Variants in HIBCH observed in about 807,000 individuals in gnomAD.
HIBCH encodes the protein 3-hydroxyisobutyryl-CoA hydrolase.
HIBCH carries 50 observed loss-of-function variants against 58.2 expected under a neutral mutation model. The ratio of observed to expected loss-of-function variants is 0.86; its 90% confidence interval spans 0.68 to 1.09. The LOEUF is 1.09. HIBCH is among the 50% of genes least tolerant of loss of function. The probability of loss-of-function intolerance (pLI) is 0.00; values close to 1 mark genes in which losing one functional copy is unlikely to be tolerated. For synonymous variants in HIBCH, 151 were observed against 146.9 expected, an observed-to-expected ratio of 1.03 and a Z score of -0.20; for missense variants, 450 against 449.7, an observed-to-expected ratio of 1.00 and a Z score of -0.01.
At chr2:190,213,293 C>A in intron 11 of HIBCH, 1 of 524,330 alleles carries the variant, frequency 1.9e-6, no homozygotes, top group Non-Finnish European at 3.4e-6. Context: ...GTAGCTGTGA[C>A]TAATAAAATA....
intron 1 of HIBCH, among the ~76,000 whole-genome samples, chr2:190,196,970 G>A (rs1414731408): frequency 6.6e-6 from 1 of 152,112 alleles, no homozygotes; most frequent in African/African-American, 2.4e-5. Flanking sequence ...AGGCTGGGAA[G>A]TCCAAGTTTA....
At position 190,296,973 on chromosome 2, in the gene HIBCH, C is replaced by T. The variant is rs777092478; in HGVS notation, c.79-20G>A. On this transcript the variant is annotated intron_variant, in intron 2 of 13. Coordinates refer to ENST00000359678, the MANE Select transcript of HIBCH (RefSeq NM_014362.4). ...CATTCTCTGTATAAACAAAGAATAACTTTATGACAAAATTTCTTAAGTTTT... is the reference window on the plus strand; with the variant it reads ...CATTCTCTGTATAAACAAAGAATAATTTTATGACAAAATTTCTTAAGTTTT... The T allele has an allele frequency of 6.2e-6, 10 of 1,612,930 alleles. No individual in the cohort carries two copies. The highest frequency in any genetic ancestry group is 2.2e-5 in the East Asian group (1 of 44,864).
Position 190,287,728 on chromosome 2 carries a change from A to G in HIBCH, c.386-90T>C, listed in dbSNP as rs1266903405. 24 of 896,320 alleles carry G rather than the reference A, an allele frequency of 2.7e-5. No homozygotes were observed. In the Admixed American group the frequency reaches 5.5e-4, roughly 20 times the overall value. The allele number at this position is 896,320 out of a possible 1,614,324, so 55.5% of individuals were successfully genotyped here. On this transcript the variant is annotated intron_variant, in intron 5 of 13. Coordinates refer to ENST00000359678, the MANE Select transcript of HIBCH (RefSeq NM_014362.4). ...AAAACCCACATTATATATACTCAAG[A>G]TTTTCCCTAGGAAATTTTAGCAAGA... is the stretch of plus-strand genomic sequence containing the variant.
chr2:190,239,653 T>TTTTTTTGTTTTTTTTG (rs1686392958), intron 11 of HIBCH, among the ~76,000 whole-genome samples: 3 of 148,774 alleles, frequency 2.0e-5, no homozygotes, highest in South Asian at 2.1e-4. Context: ...TGTAGTTTTT[T>TTTTTTTGTTTTTTTTG]TTTTTTTTTT....
chr2:190,282,639 T>C (rs772071754), intron 6 of HIBCH, among the ~76,000 whole-genome samples: 4 of 151,938 alleles, frequency 2.6e-5, no homozygotes, highest in Non-Finnish European at 5.9e-5. Flanking sequence ...CATACTCAAA[T>C]CACAGAAGTT....
At chr2:190,203,727 A>T (rs1186358005), downstream of HIBCH, among the ~76,000 whole-genome samples, 1 of 152,172 alleles carries the variant, frequency 6.6e-6, no homozygotes, top group Non-Finnish European at 1.5e-5. Context: ...ATTTGAAAGA[A>T]AAATGCTTCA....
chr2:190,213,431 T>G (rs1362445188), intron 11 of HIBCH: 4 of 262,274 alleles, frequency 1.5e-5, no homozygotes, highest in Non-Finnish European at 3.0e-5. Flanking sequence ...AAATAACGCA[T>G]ACAGTGGTCC....
chr2:190,230,776 G>A (rs994767960), intron 11 of HIBCH, among the ~76,000 whole-genome samples: 18 of 152,126 alleles, frequency 1.2e-4, no homozygotes, highest in Non-Finnish European at 2.1e-4. Context: ...AATAAAATTT[G>A]TATCTTAAAT....
chr2:190,297,014 T>C (rs1688124162), intron 2 of HIBCH, 61 bp from the exon 3 acceptor site: 1 of 1,475,182 alleles, frequency 6.8e-7, no homozygotes, highest in Admixed American at 1.7e-5. Context: ...CAAGCCAACA[T>C]CAAAACATAC....
intron 4 of HIBCH, among the ~76,000 whole-genome samples, chr2:190,294,028 A>G (rs1205635926): frequency 0.068 from 3,171 of 46,582 alleles, 134 homozygotes; most frequent in African/African-American, 0.21. Context: ...GTGTGTATAT[A>G]TATATATATA....
intron 11 of HIBCH, among the ~76,000 whole-genome samples, chr2:190,234,780 G>T (rs916278165): frequency 1.2e-4 from 18 of 151,982 alleles, no homozygotes; most frequent in African/African-American, 4.3e-4. Flanking sequence ...AACTTGGGAG[G>T]TGGAGGCTGC....
intron 1 of HIBCH, among the ~76,000 whole-genome samples, chr2:190,196,716 T>C (rs1689995805): frequency 1.3e-5 from 2 of 152,188 alleles, no homozygotes; most frequent in African/African-American, 4.8e-5. Context: ...TCAAATGTGG[T>C]CCATAGGCTG....
At chr2:190,224,163 C>T (rs1278282313) in intron 11 of HIBCH, among the ~76,000 whole-genome samples, 1 of 152,234 alleles carries the variant, frequency 6.6e-6, no homozygotes, top group Admixed American at 6.5e-5. Flanking sequence ...ACTGCTAGCA[C>T]AGCAGTCTGA....
At chr2:190,280,357 A>G (rs534623247) in intron 6 of HIBCH, among the ~76,000 whole-genome samples, 3 of 152,252 alleles carry the variant, frequency 2.0e-5, no homozygotes, top group South Asian at 4.2e-4. Context: ...CTAGGCAGAC[A>G]TGAGCAGGGC....
intron 7 of HIBCH, 59 bp from the exon 8 acceptor site, chr2:190,252,366 A>G: frequency 7.0e-7 from 1 of 1,434,818 alleles, no homozygotes; most frequent in Non-Finnish European, 9.8e-7. Context: ...GATAAATATA[A>G]CCTTTTTGCC....
At chr2:190,312,236 C>T (rs1182816327) in intron 1 of HIBCH, among the ~76,000 whole-genome samples, 1 of 152,172 alleles carries the variant, frequency 6.6e-6, no homozygotes, top group East Asian at 1.9e-4. Flanking sequence ...TATCATTATG[C>T]TTTGGGCTTT....
intron 4 of HIBCH, among the ~76,000 whole-genome samples, chr2:190,290,973 T>C (rs1687942415): frequency 6.6e-6 from 1 of 152,120 alleles, no homozygotes; most frequent in Non-Finnish European, 1.5e-5. Flanking sequence ...ATCACACCAC[T>C]GTACTCTAGC....
chr2:190,278,738 C>CAAAAAAA (rs34358967), intron 6 of HIBCH, among the ~76,000 whole-genome samples: 1 of 79,652 alleles, frequency 1.3e-5, no homozygotes, highest in Admixed American at 1.4e-4. Flanking sequence ...GACTCCATCT[C>CAAAAAAA]AAAAAAAAAA....
chr2:190,300,120 G>A (rs1374893880), intron 2 of HIBCH, among the ~76,000 whole-genome samples: 2 of 152,162 alleles, frequency 1.3e-5, no homozygotes, highest in Non-Finnish European at 2.9e-5. Context: ...AGATCCTGCA[G>A]TGAACATACG....
Sources: gnomAD v4.1 joint callset for allele counts (sites outside exome capture counted in the v4.1 genomes callset) on GRCh38, gnomAD v4.1.1 for gene constraint, MANE v1.5 for transcripts, NCBI Gene and HGNC (gene_info 2026-07-23, HGNC 2026-07-21) for gene names.